The following ASTN2 variants were observed in gnomAD, a reference collection of about 807,000 sequenced individuals.
ASTN2 encodes astrotactin-2.
In ASTN2, 54 loss-of-function variants were observed where a neutral mutation model predicts 139.8. The observed-to-expected ratio is 0.39, with a 90% CI of 0.31 to 0.48. The LOEUF (loss-of-function observed/expected upper bound fraction) is 0.48, where lower values mean the gene tolerates loss of function less well. Ranked by LOEUF, ASTN2 falls within the 20% of genes least tolerant of loss-of-function variation. ASTN2 has a pLI of 0.95. For synonymous variants in ASTN2, 756 were observed against 719.5 expected (o/e 1.05, Z -0.81); for missense variants, 1,565 against 1,725.1 (o/e 0.91, Z 1.64).
chr9:116,624,876 C>A (rs1856363375), intron 17 of ASTN2, among the ~76,000 whole-genome samples: 1 of 151,782 alleles, frequency 6.6e-6, no homozygotes. Flanking sequence ...AAAAAAAAAT[C>A]TATTATCTTT....
intron 7 of ASTN2, among the ~76,000 whole-genome samples, chr9:116,993,331 A>G (rs1768475493): frequency 1.3e-5 from 2 of 151,838 alleles, no homozygotes; most frequent in African/African-American, 4.8e-5. Context: ...TACCTACACT[A>G]TGCTTTCCCC....
intron 1 of ASTN2, among the ~76,000 whole-genome samples, chr9:117,403,646 G>C (rs529404174): frequency 2.0e-5 from 3 of 151,850 alleles, no homozygotes; most frequent in Non-Finnish European, 4.4e-5. Context: ...TAATGGAAAT[G>C]TTCCTTCCCT....
chr9:116,909,193 G>A (rs1834247305), intron 10 of ASTN2, among the ~76,000 whole-genome samples: 2 of 152,214 alleles, frequency 1.3e-5, no homozygotes, highest in East Asian at 3.8e-4. Context: ...AGAATGGATT[G>A]TGTTAGAGAT....
intron 17 of ASTN2, among the ~76,000 whole-genome samples, chr9:116,627,850 T>C (rs576338056): frequency 1.7e-4 from 26 of 152,310 alleles, no homozygotes; most frequent in Admixed American, 5.2e-4. Context: ...TTTTTATGTA[T>C]TACTCCTCAC....
chr9:117,009,620 G>T (rs1837457266), intron 6 of ASTN2, among the ~76,000 whole-genome samples: 1 of 152,174 alleles, frequency 6.6e-6, no homozygotes, highest in South Asian at 2.1e-4. Flanking sequence ...AGCAGCAGGA[G>T]ACTTTAAATT....
chr9:116,624,203 CTCT>C (rs1388279338), intron 17 of ASTN2, among the ~76,000 whole-genome samples: 1 of 152,160 alleles, frequency 6.6e-6, no homozygotes, highest in East Asian at 1.9e-4. Context: ...ATTTCTGACT[CTCT>C]TGTTACTTTC....
chr9:116,559,280 T>C (rs142148788), intron 19 of ASTN2, among the ~76,000 whole-genome samples: 2 of 152,206 alleles, frequency 1.3e-5, no homozygotes, highest in African/African-American at 2.4e-5. Flanking sequence ...TTTAGAGAGC[T>C]GAGACCTTGG....
At chr9:116,526,525 G>A (rs1851097947) in intron 19 of ASTN2, among the ~76,000 whole-genome samples, 1 of 151,988 alleles carries the variant, frequency 6.6e-6, no homozygotes, top group Admixed American at 6.6e-5. Flanking sequence ...GAGAGACTCA[G>A]GTGGGAAAAC....
intron 6 of ASTN2, among the ~76,000 whole-genome samples, chr9:117,036,178 T>C (rs1380148406): frequency 5.3e-5 from 8 of 152,090 alleles, no homozygotes; most frequent in African/African-American, 1.9e-4. Context: ...AGCAACAAAA[T>C]TGAGATCCAA....
chr9:117,010,520 C>T (rs1400595272), intron 6 of ASTN2, among the ~76,000 whole-genome samples: 4 of 152,148 alleles, frequency 2.6e-5, no homozygotes, highest in Non-Finnish European at 5.9e-5. Flanking sequence ...AGTTCATATC[C>T]TCACTTTTTA....
chr9:116,695,091 A>G (rs928342549), intron 16 of ASTN2, among the ~76,000 whole-genome samples: 3 of 152,198 alleles, frequency 2.0e-5, no homozygotes, highest in South Asian at 2.1e-4. Flanking sequence ...TCAAGGGAAC[A>G]TTAGTTAATC....
chr9:116,740,975 C>T (rs1482462698), intron 13 of ASTN2, among the ~76,000 whole-genome samples: 2 of 151,872 alleles, frequency 1.3e-5, no homozygotes, highest in Non-Finnish European at 2.9e-5. Flanking sequence ...TCTTTACCCT[C>T]CCAGGCTACC....
At chr9:117,160,541 T>C (rs1468676004) in intron 3 of ASTN2, among the ~76,000 whole-genome samples, 2 of 152,082 alleles carry the variant, frequency 1.3e-5, no homozygotes, top group African/African-American at 4.8e-5. Flanking sequence ...TCATGTCCTA[T>C]CAACTTGTTC....
Position 117,333,221 on chromosome 9 carries a change from C to T in ASTN2, c.443-41708G>A, listed in dbSNP as rs539113825. ...CTCCCAACTCCTGTTAATTCCACCT[C>T]ATCACCTGCCATTGACATGTGCCAC... On this transcript the variant is annotated intron_variant, in intron 1 of 22. Transcript: ENST00000313400. Among the ~76,000 whole-genome samples, 10 of 152,350 alleles carry T rather than the reference C, an allele frequency of 6.6e-5. No individual in the cohort carries two copies. In the South Asian group the frequency reaches 2.1e-3, roughly 32 times the overall value.
At chr9:117,312,681 C>A (rs1828014302) in intron 1 of ASTN2, among the ~76,000 whole-genome samples, 1 of 152,126 alleles carries the variant, frequency 6.6e-6, no homozygotes, top group South Asian at 2.1e-4. Flanking sequence ...GTTCTTAAGT[C>A]ATCAGGACAA....
At chr9:116,921,575 G>C (rs1834607810) in intron 10 of ASTN2, among the ~76,000 whole-genome samples, 2 of 118,780 alleles carry the variant, frequency 1.7e-5, no homozygotes, top group Admixed American at 1.9e-4. Flanking sequence ...GCGACCGAGC[G>C]AGACTCCGTC....
At chr9:116,457,927 T>C (rs897127309) in intron 20 of ASTN2, among the ~76,000 whole-genome samples, 2 of 151,928 alleles carry the variant, frequency 1.3e-5, no homozygotes, top group Admixed American at 6.6e-5. Flanking sequence ...CTATTCACAA[T>C]AGCCAAGATG....
intron 2 of ASTN2, among the ~76,000 whole-genome samples, chr9:117,239,031 C>T (rs906736087): frequency 2.6e-5 from 4 of 152,290 alleles, no homozygotes; most frequent in Middle Eastern, 3.4e-3. Flanking sequence ...AGATGCATTA[C>T]TTCATCAATG....
At chr9:116,560,141 G>A (rs1029300386) in intron 19 of ASTN2, among the ~76,000 whole-genome samples, 2 of 152,162 alleles carry the variant, frequency 1.3e-5, no homozygotes, top group African/African-American at 4.8e-5. Context: ...TAATTGTGTA[G>A]TTAACAATGT....
Sources: gnomAD v4.1 joint callset for allele counts (sites outside exome capture counted in the v4.1 genomes callset) on GRCh38, gnomAD v4.1.1 for gene constraint, MANE v1.5 for transcripts, NCBI Gene and HGNC (gene_info 2026-07-23, HGNC 2026-07-21) for gene names.